The following ZSWIM6 variants were observed in gnomAD, a reference collection of about 807,000 sequenced individuals.
ZSWIM6 encodes the protein zinc finger SWIM domain-containing protein 6.
Under a neutral mutation model 113.2 loss-of-function variants are expected in ZSWIM6, and 9 were observed. The ratio of observed to expected loss-of-function variants is 0.08; its 90% CI spans 0.05 to 0.14. ZSWIM6 has a LOEUF of 0.14. Ranked by LOEUF, ZSWIM6 falls within the 10% of genes least tolerant of loss-of-function variation. The probability of loss-of-function intolerance (pLI) is 1.00; values close to 1 mark genes in which losing one functional copy is unlikely to be tolerated. For missense variants in ZSWIM6, 1,162 were observed against 1,552.2 expected (o/e 0.75, Z 4.22); for synonymous variants, 611 against 606.5 (o/e 1.01, Z -0.11).
rs1371413162 is a variant in ZSWIM6, at chr5:61,390,669, T to A, written c.676+57721T>A. The stretch of plus-strand genomic sequence containing the variant: ...CAGCTGCAAAAACTGTTCCTGGCAT[T>A]AAGCTCCTTCTTCCTTTGCAATTCG... On this transcript the variant is annotated intron_variant, in intron 1 of 13. Transcript: ENST00000252744. The A allele has an allele frequency of 3.6e-6, 3 of 834,824 alleles. No individual in the cohort carries two copies. The African/African-American group carries it at 5.0e-5, about 14-fold the overall frequency. 51.7% of individuals were successfully genotyped at this position (834,824 alleles called of 1,614,324 possible).
At chr5:61,351,862 G>A (rs1198972350) in intron 1 of ZSWIM6, among the ~76,000 whole-genome samples, 1 of 152,168 alleles carries the variant, frequency 6.6e-6, no homozygotes, top group African/African-American at 2.4e-5. Context: ...GTACACACAT[G>A]CATGTGTAAG....
intron 1 of ZSWIM6, among the ~76,000 whole-genome samples, chr5:61,397,492 G>T (rs1745861436): frequency 6.6e-6 from 1 of 152,034 alleles, no homozygotes; most frequent in Non-Finnish European, 1.5e-5. Flanking sequence ...CTGCAGTAGG[G>T]TCCTCCAGGG....
chr5:61,437,259 G>A (rs1038065847), intron 1 of ZSWIM6, among the ~76,000 whole-genome samples: 2 of 152,160 alleles, frequency 1.3e-5, no homozygotes, highest in Admixed American at 6.5e-5. Flanking sequence ...CATCTGAAAG[G>A]AAAATAGATT....
chr5:61,432,965 A>G (rs1234271068), intron 1 of ZSWIM6, among the ~76,000 whole-genome samples: 1 of 152,212 alleles, frequency 6.6e-6, no homozygotes, highest in Non-Finnish European at 1.5e-5. Flanking sequence ...AGAAGGAAAG[A>G]ACACATGCTT....
At chr5:61,493,126 G>C (rs1412819483) in intron 3 of ZSWIM6, among the ~76,000 whole-genome samples, 2 of 152,020 alleles carry the variant, frequency 1.3e-5, no homozygotes, top group Admixed American at 1.3e-4. Flanking sequence ...AAAACTTAAA[G>C]TTCCAACTTG....
At chr5:61,370,060 A>G (rs1000717786) in intron 1 of ZSWIM6, among the ~76,000 whole-genome samples, 1 of 152,246 alleles carries the variant, frequency 6.6e-6, no homozygotes, top group Non-Finnish European at 1.5e-5. Flanking sequence ...ATAACTTCTA[A>G]GACCCTAAGT....
intron 1 of ZSWIM6, among the ~76,000 whole-genome samples, chr5:61,425,662 A>C (rs1746449938): frequency 1.3e-5 from 2 of 152,210 alleles, no homozygotes; most frequent in African/African-American, 4.8e-5. Flanking sequence ...AAAGCTTCAG[A>C]GGGAAAGAGG....
chr5:61,407,506 T>G (rs1008432016), intron 1 of ZSWIM6, among the ~76,000 whole-genome samples: 1 of 152,136 alleles, frequency 6.6e-6, no homozygotes, highest in African/African-American at 2.4e-5. Context: ...ACAGATAAAT[T>G]TACCAAACTG....
chr5:61,485,257 A>G (rs1008811143), intron 2 of ZSWIM6, among the ~76,000 whole-genome samples: 2 of 151,972 alleles, frequency 1.3e-5, no homozygotes, highest in East Asian at 1.9e-4. Flanking sequence ...GGTCTCTCCA[A>G]CTCTTCCTAA....
chr5:61,406,075 C>T (rs1397737060), intron 1 of ZSWIM6, among the ~76,000 whole-genome samples: 1 of 152,148 alleles, frequency 6.6e-6, no homozygotes, highest in African/African-American at 2.4e-5. Flanking sequence ...CTTCTCCCTG[C>T]TTTGGCAGAA....
At chr5:61,497,972 G>A (rs1286283161) in intron 4 of ZSWIM6, among the ~76,000 whole-genome samples, 1 of 152,126 alleles carries the variant, frequency 6.6e-6, no homozygotes, top group Admixed American at 6.6e-5. Context: ...TGTAATGGCT[G>A]TCTGTTCAGC....
chr5:61,525,137 G>A (rs948396629), intron 5 of ZSWIM6, among the ~76,000 whole-genome samples: 1 of 152,236 alleles, frequency 6.6e-6, no homozygotes, highest in Non-Finnish European at 1.5e-5. Flanking sequence ...GAGGCAGCCT[G>A]TAGGGGCAAG....
At chr5:61,395,911 T>A (rs1579974146) in intron 1 of ZSWIM6, among the ~76,000 whole-genome samples, 1 of 145,654 alleles carries the variant, frequency 6.9e-6, no homozygotes, top group Admixed American at 6.8e-5. Flanking sequence ...TAAGCTCTAC[T>A]TTTTTTTTTA....
rs551304143 is a variant in ZSWIM6, at chr5:61,462,333, G to A, written c.677-10348G>A. On this transcript the variant is annotated intron_variant, in intron 1 of 13. Transcript: ENST00000252744. ...GATAAAAGGGATGTTTTATATTTTA[G>A]TAGAGAGAAATCTTCAAAGGGAAGA... Among the ~76,000 whole-genome samples, 6 of 152,314 alleles carry A rather than the reference G, an allele frequency of 3.9e-5. No homozygotes were observed. The South Asian group carries it at 1.2e-3, about 32-fold the overall frequency.
intron 4 of ZSWIM6, among the ~76,000 whole-genome samples, chr5:61,505,481 A>G (rs1748577092): frequency 6.6e-6 from 1 of 152,028 alleles, no homozygotes. Flanking sequence ...TTTCATGTTG[A>G]CTGACTGCAC....
At chr5:61,440,797 G>C (rs536463168) in intron 1 of ZSWIM6, among the ~76,000 whole-genome samples, 1 of 152,144 alleles carries the variant, frequency 6.6e-6, no homozygotes, top group Non-Finnish European at 1.5e-5. Flanking sequence ...CATTTAATGC[G>C]TGCCAGCCAT....
intron 1 of ZSWIM6, among the ~76,000 whole-genome samples, chr5:61,433,379 G>C (rs1746626211): frequency 6.6e-6 from 1 of 151,978 alleles, no homozygotes; most frequent in Non-Finnish European, 1.5e-5. Context: ...GTGTGTGTGA[G>C]ATGTGTGTAG....
Position 61,545,031 on chromosome 5 carries a change from A to G in ZSWIM6, c.*714A>G, listed in dbSNP as rs1283957727. 3 of 151,876 alleles carry G rather than the reference A, an allele frequency of 2.0e-5. No homozygotes were observed. Among genetic ancestry groups the G allele is most frequent in the Admixed American group, 6.6e-5 (1 of 15,232 alleles). 9.4% of individuals were successfully genotyped at this position (151,876 alleles called of 1,614,324 possible). A position where few individuals can be genotyped will look rare whatever the true frequency, so the allele number is the denominator to read the frequency against. On this transcript the variant is annotated 3_prime_UTR_variant, in exon 14 of 14. Coordinates refer to ENST00000252744, the MANE Select transcript of ZSWIM6 (RefSeq NM_020928.2). ...TTAACTAATTTATAAAAAATATTCT[A>G]TGTAATGCAAAATACTTGAAGCTGC...
chr5:61,369,335 G>A (rs563927929), intron 1 of ZSWIM6, among the ~76,000 whole-genome samples: 13 of 152,298 alleles, frequency 8.5e-5, no homozygotes, highest in African/African-American at 3.1e-4. Flanking sequence ...CTATATTACA[G>A]AATTAACTAT....
Sources: gnomAD v4.1 joint callset for allele counts (sites outside exome capture counted in the v4.1 genomes callset) on GRCh38, gnomAD v4.1.1 for gene constraint, MANE v1.5 for transcripts, NCBI Gene and HGNC (gene_info 2026-07-23, HGNC 2026-07-21) for gene names.